Variants in BIRC2 observed in about 807,000 individuals in gnomAD.
BIRC2 encodes the protein baculoviral IAP repeat containing 2, also known as baculoviral IAP repeat-containing protein 2.
In BIRC2, 18 loss-of-function variants were observed where a neutral mutation model predicts 60.9. That is an observed-to-expected ratio of 0.30 (90% CI 0.20 to 0.44). The LOEUF (loss-of-function observed/expected upper bound fraction) is 0.44, where lower values mean the gene tolerates loss of function less well. BIRC2 is among the 20% of genes least tolerant of loss of function. The probability of loss-of-function intolerance (pLI) is 1.00; values close to 1 mark genes in which losing one functional copy is unlikely to be tolerated. For missense variants in BIRC2, 701 were observed against 728.5 expected (o/e 0.96, Z 0.43); for synonymous variants, 282 against 247.7 (o/e 1.14, Z -1.30).
At chr11:102,374,669 G>C (rs542317577) in intron 6 of BIRC2, among the ~76,000 whole-genome samples, 2 of 152,244 alleles carry the variant, frequency 1.3e-5, no homozygotes, top group East Asian at 1.9e-4. Context: ...AGGCAGGCAG[G>C]CCTCCTTGAG....
intron 3 of BIRC2, among the ~76,000 whole-genome samples, chr11:102,359,176 G>A (rs898263884): frequency 1.3e-5 from 2 of 152,114 alleles, no homozygotes; most frequent in African/African-American, 2.4e-5. Context: ...TATAGTTATA[G>A]TAGTCTGTTT....
At position 102,350,445 on chromosome 11, in the gene BIRC2, T is replaced by C. The variant is rs563146349; in HGVS notation, c.591T>C (p.Thr197=). The C allele has an allele frequency of 1.2e-6, 2 of 1,614,194 alleles. No individual in the cohort carries two copies. The highest frequency in any genetic ancestry group is 4.5e-5 in the East Asian group (2 of 44,888). The change falls in exon 2 of 9, where the codon ACT becomes ACC. Residue 197 remains threonine (T), a synonymous_variant. Coordinates refer to ENST00000227758, the MANE Select transcript of BIRC2 (RefSeq NM_001166.5). ...RFLTYHMWPL[T]FLSPSELARA... Reference sequence around the variant, plus strand: ...TTACCTACCATATGTGGCCATTAACTTTTTTGTCACCATCAGAATTGGCAA... The same window carrying C: ...TTACCTACCATATGTGGCCATTAACCTTTTTGTCACCATCAGAATTGGCAA...
rs1259571354 is a variant in BIRC2 at position 102,378,541 on chromosome 11, T to C, written c.*358T>C. 6.3e-6 allele frequency: 1 copy of C among 159,000 alleles called. No individual in the cohort carries two copies. Among genetic ancestry groups the C allele is most frequent in the Non-Finnish European group, 1.4e-5 (1 of 72,824 alleles). 9.8% of individuals were successfully genotyped at this position (159,000 alleles called of 1,614,324 possible). A position where few individuals can be genotyped will look rare whatever the true frequency, so the allele number is the denominator to read the frequency against. On this transcript the variant is annotated 3_prime_UTR_variant, in exon 9 of 9. Transcript: ENST00000227758. The stretch of plus-strand genomic sequence containing the variant: ...TAGAAAAGAACTGGAAACCAGGAAC[T>C]CTGGAGTTCATCAGAGTTATGGTGC...
At chr11:102,366,775 G>T (rs915561314) in intron 5 of BIRC2, among the ~76,000 whole-genome samples, 16 of 152,164 alleles carry the variant, frequency 1.1e-4, no homozygotes, top group Non-Finnish European at 2.4e-4. Context: ...CCACCGAGCT[G>T]CCAGAGTCAT....
chr11:102,378,171 A>G lies in BIRC2; in HGVS notation c.1845A>G (p.Thr615=), dbSNP rs763500745. The G allele has an allele frequency of 3.2e-6, 5 of 1,585,208 alleles. No homozygotes were observed. The East Asian group carries it at 1.1e-4, about 35-fold the overall frequency. ...GTATAATCAAGGGTACTGTTCGTAC[A>G]TTTCTCTCTTAAAGAAAAATAGTCT... is the stretch of plus-strand genomic sequence containing the variant. The part of the protein sequence containing the change: ...CRGIIKGTVR[T]FLS Residue 615 remains threonine (T), a synonymous_variant, in exon 9 of 9, where the codon ACA becomes ACG. Coordinates refer to ENST00000227758, the MANE Select transcript of BIRC2 (RefSeq NM_001166.5).
chr11:102,354,944 G>GT (rs61520984), intron 3 of BIRC2, among the ~76,000 whole-genome samples: 11,880 of 89,566 alleles, frequency 0.13, 733 homozygotes, highest in East Asian at 0.3. Flanking sequence ...AATTATTTGG[G>GT]TTTTTTTTTT....
Position 102,350,697 on chromosome 11 carries a change from T to C in BIRC2, c.843T>C (p.Ser281=), listed in dbSNP as rs751454107. The part of the protein sequence containing the change: ...ARMRTFMYWP[S]SVPVQPEQLA... The stretch of plus-strand genomic sequence containing the variant: ...TGAGAACATTTATGTACTGGCCATC[T>C]AGTGTTCCAGTTCAGCCTGAGCAGC... The change falls in exon 2 of 9, where the codon TCT becomes TCC. Residue 281 remains serine (S), a synonymous_variant. Coordinates refer to ENST00000227758, the MANE Select transcript of BIRC2 (RefSeq NM_001166.5). 3 of 1,613,032 alleles carry C rather than the reference T, an allele frequency of 1.9e-6. No individual in the cohort carries two copies. Among genetic ancestry groups the C allele is most frequent in the South Asian group, 1.1e-5 (1 of 91,056 alleles).
intron 3 of BIRC2, 28 bp from the exon 4 acceptor site, chr11:102,362,868 A>T (rs1951501066): frequency 1.3e-6 from 2 of 1,562,596 alleles, no homozygotes; most frequent in South Asian, 1.1e-5. Flanking sequence ...AAACAATTTT[A>T]AAAAATAATT....
intron 3 of BIRC2, among the ~76,000 whole-genome samples, chr11:102,359,965 A>G (rs1423870003): frequency 8.1e-6 from 1 of 123,922 alleles, no homozygotes; most frequent in African/African-American, 3.0e-5. Flanking sequence ...TTTGTTTTTC[A>G]TTTTCTTGGG....
At position 102,350,684 on chromosome 11, in the gene BIRC2, T is replaced by C. The variant is rs569696504; in HGVS notation, c.830T>C (p.Met277Thr). 5.0e-6 allele frequency: 8 copies of C among 1,613,628 alleles called. No individual in the cohort carries two copies. The highest frequency in any genetic ancestry group is 1.1e-5 in the South Asian group (1 of 91,076). Reference protein sequence around the residue: ...QTHAARMRTFMYWPSSVPVQP... With the variant: ...QTHAARMRTFTYWPSSVPVQP... ...CATGCAGCTCGAATGAGAACATTTA[T>C]GTACTGGCCATCTAGTGTTCCAGTT... Residue 277 changes from methionine (M) to threonine (T), a missense_variant, in exon 2 of 9, where the codon ATG becomes ACG. Around this residue, in one of 4 missense-constraint regions of BIRC2, gnomAD observed 375 missense variants for 365.9 expected, o/e 1.02. Transcript: ENST00000227758.
intron 6 of BIRC2, among the ~76,000 whole-genome samples, chr11:102,375,021 C>T (rs932680263): frequency 1.3e-5 from 2 of 152,240 alleles, no homozygotes; most frequent in Non-Finnish European, 2.9e-5. Flanking sequence ...TGCCCTGCTT[C>T]GGTTTGCACA....
intron 6 of BIRC2, among the ~76,000 whole-genome samples, chr11:102,376,728 A>G (rs932052751): frequency 6.6e-6 from 1 of 152,202 alleles, no homozygotes; most frequent in East Asian, 1.9e-4. Context: ...TGCTATAAAC[A>G]TAGACATTTA....
At chr11:102,375,826 CTATT>C (rs1434873117) in intron 6 of BIRC2, among the ~76,000 whole-genome samples, 2 of 151,628 alleles carry the variant, frequency 1.3e-5, no homozygotes, top group Non-Finnish European at 2.9e-5. Context: ...ACTAGCTTGG[CTATT>C]TATTCAACCA....
At chr11:102,356,949 C>T (rs4754842) in intron 3 of BIRC2, among the ~76,000 whole-genome samples, 26 of 152,168 alleles carry the variant, frequency 1.7e-4, no homozygotes, top group Admixed American at 1.2e-3. Flanking sequence ...GGATTACAGG[C>T]GTGAGCCACT....
intron 6 of BIRC2, among the ~76,000 whole-genome samples, chr11:102,377,052 A>G (rs1294530500): frequency 6.6e-6 from 1 of 152,120 alleles, no homozygotes; most frequent in African/African-American, 2.4e-5. Flanking sequence ...ATCTTAGGCC[A>G]CTCATTCTTT....
rs35994698 is a variant in BIRC2 at position 102,349,524 on chromosome 11, CTG to C, written c.-328_-327del. On this transcript the variant is annotated 5_prime_UTR_variant, in exon 2 of 9. Coordinates refer to ENST00000227758, the MANE Select transcript of BIRC2 (RefSeq NM_001166.5). ...CTTAGAATTTTGTTAATATAAATCTCTGTGAAAAATCAAGGAGTTTTAATATT... is the reference window on the plus strand; with the variant it reads ...CTTAGAATTTTGTTAATATAAATCTCTGAAAAATCAAGGAGTTTTAATATT... 5.8e-3 allele frequency: 1,061 copies of C among 181,896 alleles called. 11 individuals are homozygous for C. Among genetic ancestry groups the C allele is most frequent in the African/African-American group, 0.023 (958 of 42,554 alleles). 11.3% of individuals were successfully genotyped at this position (181,896 alleles called of 1,614,324 possible).
chr11:102,373,274 A>G (rs1293757956), intron 6 of BIRC2, among the ~76,000 whole-genome samples: 1 of 152,186 alleles, frequency 6.6e-6, no homozygotes, highest in African/African-American at 2.4e-5. Context: ...AATGGTCTTT[A>G]CATTTTGGCA....
chr11:102,358,456 A>G (rs1763153163), intron 3 of BIRC2, among the ~76,000 whole-genome samples: 1 of 152,188 alleles, frequency 6.6e-6, no homozygotes, highest in African/African-American at 2.4e-5. Flanking sequence ...TCAGATAAGG[A>G]ATATTCAACC....
rs35824971 is a variant in BIRC2 at position 102,363,192 on chromosome 11, A to G, written c.1074+218A>G. 2.8e-3 allele frequency among the ~76,000 whole-genome samples: 423 copies of G among 152,224 alleles called. 3 individuals are homozygous for G. The highest frequency in any genetic ancestry group is 9.8e-3 in the African/African-American group (406 of 41,560). On this transcript the variant is annotated intron_variant, in intron 4 of 8. Coordinates refer to ENST00000227758, the MANE Select transcript of BIRC2 (RefSeq NM_001166.5). Reference sequence around the variant, plus strand: ...CATGTTAATGACATCTTTGGTTTTTACTTTTGTAACCAACTTGATTTTTGA... The same window carrying G: ...CATGTTAATGACATCTTTGGTTTTTGCTTTTGTAACCAACTTGATTTTTGA...
Sources: gnomAD v4.1 joint callset for allele counts (sites outside exome capture counted in the v4.1 genomes callset) on GRCh38, gnomAD v4.1.1 for gene constraint, gnomAD v4.1.1 regional missense constraint, MANE v1.5 for transcripts, NCBI Gene and HGNC (gene_info 2026-07-23, HGNC 2026-07-21) for gene names.